The following SLC7A11 variants were observed in gnomAD, a reference collection of about 807,000 sequenced individuals.
SLC7A11 encodes the protein cystine/glutamate transporter.
SLC7A11 carries 35 observed loss-of-function variants against 54.5 expected under a neutral mutation model. The ratio of observed to expected loss-of-function variants is 0.64; its 90% CI spans 0.49 to 0.85. The LOEUF is 0.85. Among genes scored for constraint, SLC7A11 ranks in the 40% least tolerant of loss-of-function variants. SLC7A11 has a pLI of 0.00. For missense variants in SLC7A11, 583 were observed against 618.1 expected, an observed-to-expected ratio of 0.94 and a Z score of 0.60; for synonymous variants, 230 against 225.2, an observed-to-expected ratio of 1.02 and a Z score of -0.19.
rs1736438703 is a variant in SLC7A11 at position 138,172,030 on chromosome 4, A to T, written c.1445-13T>A. 1.9e-6 allele frequency: 3 copies of T among 1,575,232 alleles called. No homozygotes were observed. The highest frequency in any genetic ancestry group is 2.0e-5 in the Admixed American group (1 of 49,200). ...CTGGTTATTTTCTCTACAAAGAAATAAAAATGAATTAAAAATGCATGGAAA... is the reference window on the plus strand; with the variant it reads ...CTGGTTATTTTCTCTACAAAGAAATTAAAATGAATTAAAAATGCATGGAAA... On this transcript the variant is annotated splice_polypyrimidine_tract_variant and intron_variant, in intron 11 of 11. Coordinates refer to ENST00000280612, the MANE Select transcript of SLC7A11 (RefSeq NM_014331.4).
rs188598202 is a variant in SLC7A11 at position 138,192,327 on chromosome 4, C to T, written c.792-7083G>A. ...AAGACCAAGGTGGTTAAGTGTGTCA[C>T]CTTGTGACATTCTTTTCCTGAGTGA... On this transcript the variant is annotated intron_variant, in intron 6 of 11. Transcript: ENST00000280612. Among the ~76,000 whole-genome samples the T allele has an allele frequency of 8.8e-4, 134 of 152,250 alleles. 2 individuals carry two copies. The highest frequency in any genetic ancestry group is 3.1e-3 in the African/African-American group (129 of 41,560).
At chr4:138,210,578 G>T (rs1451544188) in intron 6 of SLC7A11, among the ~76,000 whole-genome samples, 1 of 152,008 alleles carries the variant, frequency 6.6e-6, no homozygotes, top group African/African-American at 2.4e-5. Flanking sequence ...TTAAAAAGTG[G>T]ATGAAAGACA....
chr4:138,203,436 A>G lies in SLC7A11; in HGVS notation c.791+11149T>C, dbSNP rs946414927. Reference sequence around the variant, plus strand: ...CTTCCATTGTCAGGGAAAATAAATGATAGTATCTTTTTCATTAAAAAAAGA... The same window carrying G: ...CTTCCATTGTCAGGGAAAATAAATGGTAGTATCTTTTTCATTAAAAAAAGA... On this transcript the variant is annotated intron_variant, in intron 6 of 11. Transcript: ENST00000280612. 2.0e-5 allele frequency among the ~76,000 whole-genome samples: 3 copies of G among 152,190 alleles called. No individual in the cohort carries two copies. In the South Asian group the frequency reaches 6.2e-4, roughly 32 times the overall value.
At chr4:138,230,629 C>T (rs1458065699) in intron 3 of SLC7A11, among the ~76,000 whole-genome samples, 1 of 152,034 alleles carries the variant, frequency 6.6e-6, no homozygotes, top group Non-Finnish European at 1.5e-5. Context: ...AGGTTGTTTC[C>T]CTCCAAAGCC....
At position 138,170,246 on chromosome 4, in the gene SLC7A11, GTGTGTATATA is replaced by G. The variant is rs1256630695; in HGVS notation, c.*1700_*1709del. 1.2e-5 allele frequency: 1 copy of G among 82,864 alleles called. No individual in the cohort carries two copies. Among genetic ancestry groups the G allele is most frequent in the African/African-American group, 4.3e-5 (1 of 23,314 alleles). 5.1% of individuals were successfully genotyped at this position (82,864 alleles called of 1,614,324 possible). A position where few individuals can be genotyped will look rare whatever the true frequency, so the allele number is the denominator to read the frequency against. ...ATATATATAAAAAGTGTGTGTGTGT[GTGTGTATATA>G]TATATATATATATATACACACACAC... is the stretch of plus-strand genomic sequence containing the variant. On this transcript the variant is annotated 3_prime_UTR_variant, in exon 12 of 12. Transcript: ENST00000280612.
intron 6 of SLC7A11, among the ~76,000 whole-genome samples, chr4:138,202,364 T>A (rs1737308019): frequency 6.6e-6 from 1 of 152,090 alleles, no homozygotes; most frequent in South Asian, 2.1e-4. Context: ...TCTTCAGATG[T>A]AATAACTAAG....
At chr4:138,222,864 G>GC (rs1737848398) in intron 4 of SLC7A11, among the ~76,000 whole-genome samples, 1 of 125,250 alleles carries the variant, frequency 8.0e-6, no homozygotes, top group African/African-American at 3.1e-5. Context: ...CAATTTTAAA[G>GC]TAAAAAAAAG....
In SLC7A11 at chr4:138,172,018, C is replaced by T. The variant is rs1399778171; in HGVS notation, c.1445-1G>A. ...ATTTGTAATGTTCTGGTTATTTTCT[C>T]TACAAAGAAATAAAAATGAATTAAA... On this transcript the variant is annotated splice_acceptor_variant, in intron 11 of 11. Coordinates refer to ENST00000280612, the MANE Select transcript of SLC7A11 (RefSeq NM_014331.4). LOFTEE classifies it high-confidence loss of function. The T allele has an allele frequency of 6.3e-7, 1 of 1,579,984 alleles. No homozygotes were observed. The highest frequency in any genetic ancestry group is 1.9e-5 in the Admixed American group (1 of 51,728).
At position 138,168,301 on chromosome 4, in the gene SLC7A11, T is replaced by G. The variant is rs934031476; in HGVS notation, c.*3655A>C. 9 of 152,316 alleles carry G rather than the reference T, an allele frequency of 5.9e-5. No individual in the cohort carries two copies. The highest frequency in any genetic ancestry group is 2.2e-4 in the African/African-American group (9 of 41,580). 9.4% of individuals were successfully genotyped at this position (152,316 alleles called of 1,614,324 possible). A position where few individuals can be genotyped will look rare whatever the true frequency, so the allele number is the denominator to read the frequency against. On this transcript the variant is annotated 3_prime_UTR_variant, in exon 12 of 12. Transcript: ENST00000280612. The stretch of plus-strand genomic sequence containing the variant: ...CACAGCAAACAACTAATTTTTAATA[T>G]TTCTCTGACTATATTGCATAACATT...
intron 5 of SLC7A11, among the ~76,000 whole-genome samples, chr4:138,216,275 A>G (rs1737678897): frequency 6.6e-6 from 1 of 152,206 alleles, no homozygotes; most frequent in Non-Finnish European, 1.5e-5. Flanking sequence ...ATTTGACACA[A>G]CAGTACAAAA....
At chr4:138,206,084 T>C (rs1017931622) in intron 6 of SLC7A11, among the ~76,000 whole-genome samples, 8 of 152,026 alleles carry the variant, frequency 5.3e-5, no homozygotes, top group Non-Finnish European at 1.2e-4. Context: ...CAATTTATCA[T>C]ACATGAATTA....
intron 3 of SLC7A11, among the ~76,000 whole-genome samples, chr4:138,224,057 G>A (rs1445213924): frequency 2.0e-5 from 3 of 152,104 alleles, no homozygotes; most frequent in Non-Finnish European, 4.4e-5. Flanking sequence ...ATCCACCTTC[G>A]ACACCTTGTG....
intron 10 of SLC7A11, 45 bp downstream of exon 10, chr4:138,180,596 T>A (rs1467373992): frequency 6.3e-7 from 1 of 1,595,536 alleles, no homozygotes; most frequent in Admixed American, 1.7e-5. Flanking sequence ...GGACTAGGTA[T>A]TAGGAGAGAG....
chr4:138,185,562 G>A (rs927094718), intron 6 of SLC7A11, among the ~76,000 whole-genome samples: 1 of 152,102 alleles, frequency 6.6e-6, no homozygotes, highest in African/African-American at 2.4e-5. Context: ...ATCACCTGCA[G>A]GGCTTGTTAA....
chr4:138,213,789 G>A (rs536932707), intron 6 of SLC7A11, among the ~76,000 whole-genome samples: 2 of 152,176 alleles, frequency 1.3e-5, no homozygotes, highest in East Asian at 3.9e-4. Context: ...CAAGTCTTAT[G>A]CATCATGAAA....
chr4:138,191,673 T>A (rs763201700), intron 6 of SLC7A11, among the ~76,000 whole-genome samples: 5 of 152,180 alleles, frequency 3.3e-5, no homozygotes, highest in Non-Finnish European at 7.3e-5. Flanking sequence ...TCATTATTTT[T>A]ATTCTACTAT....
chr4:138,217,243 T>C lies in SLC7A11; in HGVS notation c.746+2023A>G, dbSNP rs560342830. Among the ~76,000 whole-genome samples, 163 of 152,310 alleles carry C rather than the reference T, an allele frequency of 1.1e-3. 2 individuals are homozygous for C. Among genetic ancestry groups the C allele is most frequent in the African/African-American group, 3.7e-3 (152 of 41,570 alleles). On this transcript the variant is annotated intron_variant, in intron 5 of 11. Coordinates refer to ENST00000280612, the MANE Select transcript of SLC7A11 (RefSeq NM_014331.4). ...AACATTCCATTTTAAATCCTGGACT[T>C]ATTTTCCAATACTGTGATTGAACCC...
At position 138,236,419 on chromosome 4, in the gene SLC7A11, T is replaced by C. The variant is rs1395348799; in HGVS notation, c.310A>G (p.Ile104Val). 3 of 1,612,256 alleles carry C rather than the reference T, an allele frequency of 1.9e-6. No homozygotes were observed. Among genetic ancestry groups the C allele is most frequent in the African/African-American group, 1.3e-5 (1 of 74,944 alleles). ...GTGTAATGACCTCCAGATTTCTTTA[T>C]AGTTGTTCCCAATTCAGCATAAGAC... ...ALSYAELGTT[I>V]KKSGGHYTYI... The change falls in exon 2 of 12, where the codon ATA (isoleucine) becomes GTA (valine). Residue 104 changes from isoleucine to valine, a missense_variant. Transcript: ENST00000280612.
At chr4:138,232,847 C>T (rs1349372807) in intron 2 of SLC7A11, among the ~76,000 whole-genome samples, 1 of 152,146 alleles carries the variant, frequency 6.6e-6, no homozygotes, top group African/African-American at 2.4e-5. Context: ...TAAGTGTTCC[C>T]TGCAAATACA....
Sources: gnomAD v4.1 joint callset for allele counts (sites outside exome capture counted in the v4.1 genomes callset) on GRCh38, gnomAD v4.1.1 for gene constraint, MANE v1.5 for transcripts, NCBI Gene and HGNC (gene_info 2026-07-23, HGNC 2026-07-21) for gene names.